Variants in SCAMP4 observed in about 807,000 individuals in gnomAD.
SCAMP4 encodes the protein secretory carrier-associated membrane protein 4.
A neutral mutation model predicts 32.1 loss-of-function variants in SCAMP4; 19 were observed. The ratio of observed to expected loss-of-function variants is 0.59; its 90% CI spans 0.41 to 0.87. The LOEUF (loss-of-function observed/expected upper bound fraction) is 0.87, where lower values mean the gene tolerates loss of function less well. Ranked by LOEUF, SCAMP4 falls within the 40% of genes least tolerant of loss-of-function variation. The pLI, the probability that SCAMP4 is intolerant of heterozygous loss-of-function variation, is 0.00. For missense variants in SCAMP4, 302 were observed against 309.0 expected (o/e 0.98, Z 0.17); for synonymous variants, 152 against 132.7 (o/e 1.15, Z -1.00).
At chr19:1,919,430 C>G in intron 5 of SCAMP4, 1 of 985,096 alleles carries the variant, frequency 1.0e-6, no homozygotes, top group African/African-American at 1.7e-5. Context: ...CAGTCACTCT[C>G]TAAGGCTGCC....
At chr19:1,919,068 G>A (rs534766259) in intron 5 of SCAMP4, 78 bp downstream of exon 5, 16 of 1,552,502 alleles carry the variant, frequency 1.0e-5, no homozygotes, top group Middle Eastern at 1.7e-4. Flanking sequence ...GAAGCCAGGC[G>A]GCCACCGGAG....
rs767225266 is a variant in SCAMP4 at position 1,912,797 on chromosome 19, C to T, written c.-41-2182C>T. ...TGGTGTGCGTGGACCTCGTGGCGCG[C>T]GGCCAGGGCCGCGGCACCTACGACT... On this transcript the variant is annotated intron_variant, in intron 1 of 6. Transcript: ENST00000316097. 7 of 1,573,914 alleles carry T rather than the reference C, an allele frequency of 4.4e-6. No homozygotes were observed. The African/African-American group carries it at 5.4e-5, about 12-fold the overall frequency.
chr19:1,924,574 C>A lies in SCAMP4; in HGVS notation c.*290C>A. On this transcript the variant is annotated 3_prime_UTR_variant, in exon 7 of 7. Transcript: ENST00000316097. ...TGGTCACCCGCCGTCCACTGCACGG[C>A]TGGTACGGCCTTGTCTTCAGGTCTC... is the stretch of plus-strand genomic sequence containing the variant. 2.3e-6 allele frequency: 1 copy of A among 432,164 alleles called. No individual in the cohort carries two copies. The highest frequency in any genetic ancestry group is 4.1e-5 in the East Asian group (1 of 24,384). 26.8% of individuals were successfully genotyped at this position (432,164 alleles called of 1,614,324 possible). A position where few individuals can be genotyped will look rare whatever the true frequency, so the allele number is the denominator to read the frequency against.
At chr19:1,912,349 G>T (rs1408818751) in intron 1 of SCAMP4, 21 of 1,531,960 alleles carry the variant, frequency 1.4e-5, no homozygotes, top group Non-Finnish European at 1.7e-5. Context: ...CGCGATGCCG[G>T]CAGCCCCCAC....
At chr19:1,914,010 C>T (rs997982435) in intron 1 of SCAMP4, among the ~76,000 whole-genome samples, 13 of 152,116 alleles carry the variant, frequency 8.5e-5, no homozygotes, top group Non-Finnish European at 1.5e-4. Context: ...TGGGGGAGTC[C>T]GTGCCTGGGG....
chr19:1,916,143 G>A (rs1196383359), intron 2 of SCAMP4, among the ~76,000 whole-genome samples: 2 of 151,558 alleles, frequency 1.3e-5, no homozygotes, highest in African/African-American at 4.9e-5. Context: ...GGAGGCTGAG[G>A]CAGGAGAATC....
At chr19:1,922,395 T>C (rs1208786820) in intron 5 of SCAMP4, 12 of 688,174 alleles carry the variant, frequency 1.7e-5, no homozygotes, top group South Asian at 6.5e-5. Context: ...CCCTCATGCC[T>C]GGCTAATTTT....
intron 5 of SCAMP4, among the ~76,000 whole-genome samples, chr19:1,919,928 G>A (rs1055091780): frequency 1.3e-5 from 2 of 151,814 alleles, no homozygotes; most frequent in African/African-American, 4.8e-5. Flanking sequence ...TCCTGCCTCA[G>A]CCTCCCGAGT....
At chr19:1,909,396 G>T (rs181281966) in intron 1 of SCAMP4, among the ~76,000 whole-genome samples, 5 of 152,306 alleles carry the variant, frequency 3.3e-5, no homozygotes, top group African/African-American at 9.6e-5. Flanking sequence ...CCGAGAGCTG[G>T]GGGCCCCACC....
At chr19:1,923,916 T>C (rs144892529) in intron 6 of SCAMP4, among the ~76,000 whole-genome samples, 192 bp from the exon 7 acceptor site, 2,363 of 84,838 alleles carry the variant, frequency 0.028, 370 homozygotes, top group Middle Eastern at 0.078. Context: ...TGAGCCACCG[T>C]GCCCGGCCTA....
At chr19:1,913,286 C>T (rs956996731) in intron 1 of SCAMP4, 10 of 1,297,032 alleles carry the variant, frequency 7.7e-6, no homozygotes, top group African/African-American at 1.5e-5. Context: ...GCGGGGAGCA[C>T]GGGTGCTGCC....
At position 1,918,893 on chromosome 19, in the gene SCAMP4, G is replaced by A. The variant is rs751452364; in HGVS notation, c.298G>A (p.Asp100Asn). The A allele has an allele frequency of 2.0e-5, 32 of 1,606,150 alleles. No individual in the cohort carries two copies. The highest frequency in any genetic ancestry group is 5.1e-5 in the Admixed American group (3 of 58,700). Residue 100 changes from aspartate (D) to asparagine (N), a missense_variant, in exon 5 of 7, where the codon GAC becomes AAC. Physicochemically the swap from Asp to Asn is conservative, Grantham distance 23. Transcript: ENST00000316097. Reference sequence around the variant, plus strand: ...GTGTTTTCTGTCCCTCCCCAGAGCCGACAGCTCCTTTAATTTCATGGCGTT... The same window carrying A: ...GTGTTTTCTGTCCCTCCCCAGAGCCAACAGCTCCTTTAATTTCATGGCGTT... Reference protein sequence around the residue: ...FRPVYKAFRADSSFNFMAFFF... With the variant: ...FRPVYKAFRANSSFNFMAFFF...
rs562795876 is a variant in SCAMP4, at chr19:1,918,034, A to G, written c.137-93A>G. On this transcript the variant is annotated intron_variant, in intron 3 of 6. Coordinates refer to ENST00000316097, the MANE Select transcript of SCAMP4 (RefSeq NM_079834.4). ...TCGACATGGGGTCACTGGGCTGGGG[A>G]GGCGGACAGCGGGTGCCCCATTGCT... 18 of 1,480,802 alleles carry G rather than the reference A, an allele frequency of 1.2e-5. No individual in the cohort carries two copies. The South Asian group carries it at 2.2e-4, about 18-fold the overall frequency. 91.7% of individuals were successfully genotyped at this position (1,480,802 alleles called of 1,614,324 possible).
At chr19:1,923,233 G>T in intron 6 of SCAMP4, 46 bp downstream of exon 6, 1 of 1,480,226 alleles carries the variant, frequency 6.8e-7, no homozygotes, top group South Asian at 1.3e-5. Context: ...CCTTCTCCAT[G>T]AACCTCGTCA....
intron 6 of SCAMP4, among the ~76,000 whole-genome samples, chr19:1,923,637 T>TTG (rs1555840379): frequency 1.3e-5 from 2 of 148,568 alleles, no homozygotes; most frequent in Non-Finnish European, 3.0e-5. Context: ...TTTTTTTTTT[T>TTG]AGACAGAGTC....
intron 1 of SCAMP4, chr19:1,912,642 G>A: frequency 7.0e-7 from 1 of 1,425,084 alleles, no homozygotes; most frequent in Non-Finnish European, 9.1e-7. Flanking sequence ...GGCGGTGTGG[G>A]CGGCCCGGCG....
At chr19:1,913,143 G>A in intron 1 of SCAMP4, 4 of 1,553,884 alleles carry the variant, frequency 2.6e-6, no homozygotes, top group Non-Finnish European at 3.5e-6. Context: ...GCTGGACCCC[G>A]ACACGTAGGC....
At chr19:1,921,766 A>G (rs1424792626) in intron 5 of SCAMP4, 2 of 983,818 alleles carry the variant, frequency 2.0e-6, no homozygotes, top group Non-Finnish European at 2.4e-6. Context: ...TCACTGCTTG[A>G]GGCCAGGAGT....
Position 1,905,435 on chromosome 19 carries a change from C to T in SCAMP4, c.-46C>T, listed in dbSNP as rs1489890665. ...AAGCGCTGCGCTCGCGCCCGGATCC[C>T]TCAGGTAAGCGCGCGGCCCCGAGGT... On this transcript the variant is annotated 5_prime_UTR_variant, in exon 1 of 7. Transcript: ENST00000316097. 24 of 463,182 alleles carry T rather than the reference C, an allele frequency of 5.2e-5. No individual in the cohort carries two copies. Among genetic ancestry groups the T allele is most frequent in the Admixed American group, 1.4e-4 (6 of 41,832 alleles). 28.7% of individuals were successfully genotyped at this position (463,182 alleles called of 1,614,324 possible).
Sources: allele counts gnomAD v4.1 joint callset (sites outside exome capture counted in the v4.1 genomes callset), GRCh38; gene constraint gnomAD v4.1.1; transcripts MANE v1.5; gene names NCBI Gene and HGNC (gene_info 2026-07-23, HGNC 2026-07-21).